The following AMMECR1 variants were observed in gnomAD, a reference collection of about 807,000 sequenced individuals.
The protein encoded by AMMECR1 is AMMECR nuclear protein 1.
A neutral mutation model predicts 22.5 loss-of-function variants in AMMECR1; 3 were observed. That is an observed-to-expected ratio of 0.13 (90% CI 0.06 to 0.35). AMMECR1 has a LOEUF of 0.35. Among genes scored for constraint, AMMECR1 ranks in the 10% least tolerant of loss-of-function variants. The pLI is 1.00. For synonymous variants in AMMECR1, 130 were observed against 116.7 expected (o/e 1.11, Z -0.74); for missense variants, 235 against 278.7 (o/e 0.84, Z 1.12).
At chrX:110,223,457 G>GA (rs1158171195) in intron 2 of AMMECR1, among the ~76,000 whole-genome samples, 85 of 111,684 alleles carry the variant, frequency 7.6e-4, no homozygotes, top group African/African-American at 2.6e-3. Flanking sequence ...GCCTTGGCAA[G>GA]AAAAAAATGT....
At chrX:110,216,109 G>T (rs1219108218) in intron 3 of AMMECR1, among the ~76,000 whole-genome samples, 1 of 111,712 alleles carries the variant, frequency 9.0e-6, no homozygotes, top group Non-Finnish European at 1.9e-5. Context: ...CCCCCAAATG[G>T]TGTATTATCC....
chrX:110,210,559 G>T (rs1363075568), intron 3 of AMMECR1, among the ~76,000 whole-genome samples: 1 of 111,851 alleles, frequency 8.9e-6, no homozygotes, highest in Non-Finnish European at 1.9e-5. Flanking sequence ...GGCACATTAA[G>T]AGGAGCTAAA....
At chrX:110,250,868 C>T (rs891127727) in intron 2 of AMMECR1, among the ~76,000 whole-genome samples, 19 of 111,939 alleles carry the variant, frequency 1.7e-4, no homozygotes, top group African/African-American at 6.2e-4. Context: ...TGGCAGGAAT[C>T]AATTCACATA....
intron 2 of AMMECR1, among the ~76,000 whole-genome samples, chrX:110,232,707 G>A (rs1322041400): frequency 6.4e-5 from 7 of 108,673 alleles, no homozygotes; most frequent in African/African-American, 2.4e-4. Flanking sequence ...CGGCTAACAC[G>A]GTGAAACCCC....
At chrX:110,419,942 A>G (rs2068705131) in intron 2 of AMMECR1, among the ~76,000 whole-genome samples, 1 of 112,333 alleles carries the variant, frequency 8.9e-6, no homozygotes, top group African/African-American at 3.2e-5. Context: ...TCATAACCCA[A>G]TGACGTCAAC....
At position 110,378,977 on chromosome X, in the gene AMMECR1, C is replaced by G. The variant is rs745863601; in HGVS notation, c.-148+47681G>C. Among the ~76,000 whole-genome samples, 15 of 111,848 alleles carry G rather than the reference C, an allele frequency of 1.3e-4. No individual in the cohort carries two copies. In the East Asian group the frequency reaches 4.2e-3, roughly 31 times the overall value. On this transcript the variant is annotated intron_variant, in intron 2 of 7. Coordinates refer to the AMMECR1 transcript ENST00000372057. ...GTCTGCCAGTCTCGTGAAACATTAA[C>G]CTCTCCTAACAGCAAGCACAGCTTC... is the stretch of plus-strand genomic sequence containing the variant.
chrX:110,287,069 A>G (rs1225820641), intron 1 of AMMECR1, among the ~76,000 whole-genome samples: 2 of 112,247 alleles, frequency 1.8e-5, no homozygotes, highest in Non-Finnish European at 3.8e-5. Context: ...GAGATAGGTG[A>G]GTTTAAACAG....
At chrX:110,286,931 G>C (rs1402226341) in intron 1 of AMMECR1, among the ~76,000 whole-genome samples, 1 of 111,242 alleles carries the variant, frequency 9.0e-6, no homozygotes. Flanking sequence ...ACTAAATTAC[G>C]TTCATAAGTT....
upstream of AMMECR1, chrX:110,318,162 G>A (rs1602893247): frequency 1.2e-6 from 1 of 856,503 alleles, no homozygotes; most frequent in Non-Finnish European, 1.5e-6. Context: ...AGGCCGCCGG[G>A]GGCGCGCCAG....
intron 2 of AMMECR1, among the ~76,000 whole-genome samples, chrX:110,374,154 A>G (rs1297501306): frequency 1.8e-5 from 2 of 112,073 alleles, no homozygotes; most frequent in Non-Finnish European, 3.8e-5. Context: ...GATTAAAACC[A>G]TGTACCTAGT....
At chrX:110,400,608 C>T (rs900636445) in intron 2 of AMMECR1, among the ~76,000 whole-genome samples, 4 of 111,323 alleles carry the variant, frequency 3.6e-5, no homozygotes, top group African/African-American at 1.3e-4. Context: ...TATGCTATTC[C>T]CTTTACTTGG....
intron 2 of AMMECR1, among the ~76,000 whole-genome samples, chrX:110,422,077 T>C (rs924424073): frequency 2.6e-4 from 29 of 113,318 alleles, no homozygotes; most frequent in Non-Finnish European, 1.1e-4. Context: ...AATGGGGCTC[T>C]GGCTGGGATC....
At chrX:110,280,311 T>C (rs1004726474) in intron 1 of AMMECR1, among the ~76,000 whole-genome samples, 2 of 110,976 alleles carry the variant, frequency 1.8e-5, no homozygotes, top group African/African-American at 3.3e-5. Flanking sequence ...GTAAACCACC[T>C]GAAAAATAAT....
intron 1 of AMMECR1, among the ~76,000 whole-genome samples, chrX:110,284,025 G>A: frequency 1.8e-5 from 2 of 111,527 alleles, no homozygotes. Flanking sequence ...AGGAGGCTGA[G>A]GCAGGAGAAT....
intron 1 of AMMECR1, among the ~76,000 whole-genome samples, chrX:110,296,798 C>T (rs1026880828): frequency 3.8e-4 from 42 of 110,278 alleles, no homozygotes; most frequent in African/African-American, 1.4e-3. Context: ...GCCACAGTTT[C>T]GTTCCATTTT....
intron 2 of AMMECR1, among the ~76,000 whole-genome samples, chrX:110,357,208 G>A (rs1372509334): frequency 9.0e-6 from 1 of 111,347 alleles, no homozygotes; most frequent in Admixed American, 9.5e-5. Context: ...TAAATACATG[G>A]GAAAATCAAA....
At chrX:110,373,903 C>T (rs950343961) in intron 2 of AMMECR1, among the ~76,000 whole-genome samples, 1 of 111,501 alleles carries the variant, frequency 9.0e-6, no homozygotes, top group Admixed American at 9.5e-5. Flanking sequence ...ACAGTTTAAA[C>T]TACAAATAAG....
At chrX:110,388,936 G>A (rs1181289703) in intron 2 of AMMECR1, among the ~76,000 whole-genome samples, 2 of 112,391 alleles carry the variant, frequency 1.8e-5, no homozygotes, top group Admixed American at 9.4e-5. Flanking sequence ...TCAGATTCCA[G>A]TACCAGGGGT....
intron 2 of AMMECR1, among the ~76,000 whole-genome samples, chrX:110,408,874 A>G (rs768654069): frequency 8.9e-6 from 1 of 112,443 alleles, no homozygotes; most frequent in African/African-American, 3.2e-5. Flanking sequence ...ATGTGGCAGG[A>G]CATATAGCTA....
Sources: gnomAD v4.1 joint callset for allele counts (sites outside exome capture counted in the v4.1 genomes callset) on GRCh38, gnomAD v4.1.1 for gene constraint, MANE v1.5 for transcripts, NCBI Gene and HGNC (gene_info 2026-07-23, HGNC 2026-07-21) for gene names.